The following PLXNA4 variants were observed in gnomAD, a reference collection of about 807,000 sequenced individuals.
The protein encoded by PLXNA4 is plexin A4.
Under a neutral mutation model 191.8 loss-of-function variants are expected in PLXNA4, and 44 were observed. The observed-to-expected ratio is 0.23, with a 90% CI of 0.18 to 0.29. The LOEUF (loss-of-function observed/expected upper bound fraction) is 0.29. PLXNA4 is among the 10% of genes least tolerant of loss of function. The pLI, the probability that PLXNA4 is intolerant of heterozygous loss-of-function variation, is 1.00. For synonymous variants in PLXNA4, 1,082 were observed against 1,009.5 expected, an observed-to-expected ratio of 1.07 and a Z score of -1.36; for missense variants, 1,800 against 2,488.8, an observed-to-expected ratio of 0.72 and a Z score of 5.89.
chr7:132,310,396 C>G (rs1215014090), intron 3 of PLXNA4, among the ~76,000 whole-genome samples: 1 of 152,156 alleles, frequency 6.6e-6, no homozygotes. Context: ...AGCAAGGCTC[C>G]CTGGCAGCTC....
At chr7:132,160,784 C>T (rs76399962) in intron 24 of PLXNA4, among the ~76,000 whole-genome samples, 1,840 of 152,302 alleles carry the variant, frequency 0.012, 31 homozygotes, top group African/African-American at 0.042. Context: ...CAGAGCCAGA[C>T]AGCAGTCTCT....
chr7:132,636,001 C>A (rs1215742902), intron 2 of PLXNA4, among the ~76,000 whole-genome samples: 1 of 152,188 alleles, frequency 6.6e-6, no homozygotes, highest in African/African-American at 2.4e-5. Flanking sequence ...TTAGGAGAAG[C>A]CCTCTCAACA....
At chr7:132,543,576 T>C (rs1383577470) in intron 1 of PLXNA4, among the ~76,000 whole-genome samples, 1 of 152,218 alleles carries the variant, frequency 6.6e-6, no homozygotes, top group Non-Finnish European at 1.5e-5. Flanking sequence ...CTGCCTTTAC[T>C]AGAAGCAAAA....
At chr7:132,189,539 T>A (rs1797022007) in intron 14 of PLXNA4, among the ~76,000 whole-genome samples, 1 of 152,094 alleles carries the variant, frequency 6.6e-6, no homozygotes, top group Non-Finnish European at 1.5e-5. Context: ...GGCCTGATTG[T>A]GGGAGAGGAC....
intron 24 of PLXNA4, among the ~76,000 whole-genome samples, chr7:132,159,964 G>A (rs1795898857): frequency 6.6e-6 from 1 of 152,338 alleles, no homozygotes; most frequent in South Asian, 2.1e-4. Context: ...ATTTGCAACA[G>A]AACAGACACC....
chr7:132,613,940 A>G (rs1351228135), intron 2 of PLXNA4, among the ~76,000 whole-genome samples: 3 of 152,154 alleles, frequency 2.0e-5, no homozygotes, highest in African/African-American at 7.2e-5. Flanking sequence ...GCAACATTGG[A>G]AGGAGGTTTT....
intron 2 of PLXNA4, among the ~76,000 whole-genome samples, chr7:132,644,666 A>T (rs1459597640): frequency 1.9e-4 from 29 of 152,190 alleles, no homozygotes; most frequent in Admixed American, 1.9e-3. Context: ...AGCCACTGTA[A>T]TTCCTTCGTG....
intron 16 of PLXNA4, among the ~76,000 whole-genome samples, chr7:132,183,941 T>C (rs1023696351): frequency 3.3e-5 from 5 of 152,248 alleles, no homozygotes; most frequent in Non-Finnish European, 7.3e-5. Context: ...TCTGCTGTTA[T>C]AGTGAGAAAG....
At chr7:132,368,213 G>A (rs1229619211) in intron 3 of PLXNA4, among the ~76,000 whole-genome samples, 3 of 152,142 alleles carry the variant, frequency 2.0e-5, no homozygotes, top group Non-Finnish European at 4.4e-5. Context: ...AAGGGAGAAC[G>A]AAGGGCATTT....
At chr7:132,153,967 GA>G (rs1455022059) in intron 25 of PLXNA4, among the ~76,000 whole-genome samples, 1 of 152,186 alleles carries the variant, frequency 6.6e-6, no homozygotes, top group Non-Finnish European at 1.5e-5. Context: ...GGCTGCTGAA[GA>G]AAGGAAAGGG....
chr7:132,182,755 G>A (rs117974522), intron 16 of PLXNA4, among the ~76,000 whole-genome samples: 2,271 of 152,336 alleles, frequency 0.015, 27 homozygotes, highest in Middle Eastern at 0.027. Context: ...ATGCAAGTGC[G>A]AAATGCTTTT....
chr7:132,482,076 C>T (rs1024547591), intron 3 of PLXNA4, among the ~76,000 whole-genome samples: 1 of 152,184 alleles, frequency 6.6e-6, no homozygotes, highest in African/African-American at 2.4e-5. Context: ...CAAGTCCCCT[C>T]AATGGCTGAG....
intron 8 of PLXNA4, 80 bp from the exon 9 acceptor site, chr7:132,223,721 C>A (rs1483057794): frequency 1.8e-6 from 2 of 1,106,610 alleles, no homozygotes; most frequent in East Asian, 2.6e-5. Context: ...TATGGTCTAG[C>A]AAAACATTTT....
intron 3 of PLXNA4, among the ~76,000 whole-genome samples, chr7:132,341,016 G>A (rs1317741974): frequency 6.6e-6 from 1 of 152,122 alleles, no homozygotes; most frequent in East Asian, 1.9e-4. Context: ...AGAACCCATA[G>A]CAGCTATGCA....
At chr7:132,387,144 G>A (rs1001571530) in intron 3 of PLXNA4, among the ~76,000 whole-genome samples, 1 of 152,182 alleles carries the variant, frequency 6.6e-6, no homozygotes, top group African/African-American at 2.4e-5. Context: ...GAATTGCGCT[G>A]GTCTAGATCC....
chr7:132,178,843 T>TACACAC lies in PLXNA4; in HGVS notation c.3874+843_3874+844insGTGTGT, dbSNP rs1473508509. Among the ~76,000 whole-genome samples, 36 of 42,544 alleles carry TACACAC rather than the reference T, an allele frequency of 8.5e-4. 1 individual carries two copies. The highest frequency in any genetic ancestry group is 4.9e-3 in the African/African-American group (33 of 6,668). The allele number at this position is 42,544 out of a possible 152,430, so 27.9% of individuals were successfully genotyped here. On this transcript the variant is annotated intron_variant, in intron 20 of 31. Transcript: ENST00000321063. ...AATGAAACACATACACATACACATA[T>TACACAC]ATACACACACACACACACACACACA... is the stretch of plus-strand genomic sequence containing the variant.
At chr7:132,169,942 C>T (rs1796234767) in intron 21 of PLXNA4, among the ~76,000 whole-genome samples, 3 of 152,152 alleles carry the variant, frequency 2.0e-5, no homozygotes, top group Admixed American at 1.3e-4. Flanking sequence ...TGAAGTGGGG[C>T]ACTGGAGGAG....
upstream of PLXNA4, among the ~76,000 whole-genome samples, chr7:132,580,103 G>A (rs1802374635): frequency 6.6e-6 from 1 of 152,244 alleles, no homozygotes; most frequent in South Asian, 2.1e-4. Flanking sequence ...GACATTCAAA[G>A]GACATACCAT....
chr7:132,599,681 C>T (rs561503683), intron 2 of PLXNA4, among the ~76,000 whole-genome samples: 25 of 151,850 alleles, frequency 1.6e-4, no homozygotes, highest in South Asian at 6.3e-4. Flanking sequence ...TAGACTTCTC[C>T]CCCTTTTTTT....
Sources: gnomAD v4.1 joint callset for allele counts (sites outside exome capture counted in the v4.1 genomes callset) on GRCh38, gnomAD v4.1.1 for gene constraint, MANE v1.5 for transcripts, NCBI Gene and HGNC (gene_info 2026-07-23, HGNC 2026-07-21) for gene names.